TAFA1: variants seen among roughly 807,000 people sequenced by gnomAD.
TAFA1 encodes the protein TAFA chemokine like family member 1.
In TAFA1, 4 loss-of-function variants were observed where a neutral mutation model predicts 18.5. The observed-to-expected ratio is 0.22, with a 90% CI of 0.11 to 0.49. TAFA1 has a LOEUF of 0.49. Among genes scored for constraint, TAFA1 ranks in the 20% least tolerant of loss-of-function variants. The probability of loss-of-function intolerance (pLI) is 0.98; values close to 1 mark genes in which losing one functional copy is unlikely to be tolerated. For synonymous variants in TAFA1, 56 were observed against 55.2 expected, an observed-to-expected ratio of 1.01 and a Z score of -0.06; for missense variants, 147 against 169.0, an observed-to-expected ratio of 0.87 and a Z score of 0.72.
At chr3:68,076,142 G>A (rs1191861370) in intron 2 of TAFA1, among the ~76,000 whole-genome samples, 2 of 152,160 alleles carry the variant, frequency 1.3e-5, no homozygotes, top group East Asian at 3.9e-4. Context: ...AAAGTTGAAT[G>A]GAAAGGCAAA....
intron 3 of TAFA1, among the ~76,000 whole-genome samples, chr3:68,529,871 A>G (rs774480897): frequency 6.6e-6 from 1 of 152,200 alleles, no homozygotes; most frequent in Non-Finnish European, 1.5e-5. Context: ...CTAACATTGG[A>G]GATCAAATTT....
intron 2 of TAFA1, among the ~76,000 whole-genome samples, chr3:68,352,969 A>G (rs2069296821): frequency 6.6e-6 from 1 of 152,122 alleles, no homozygotes; most frequent in South Asian, 2.1e-4. Context: ...AAACAGAATC[A>G]AAAAGCGAAG....
chr3:68,227,578 G>A (rs920991961), intron 2 of TAFA1, among the ~76,000 whole-genome samples: 4 of 151,966 alleles, frequency 2.6e-5, no homozygotes, highest in Admixed American at 2.6e-4. Flanking sequence ...GGCATATTGG[G>A]GAAAAACTGA....
At chr3:68,259,894 T>G (rs2067378555) in intron 2 of TAFA1, among the ~76,000 whole-genome samples, 1 of 152,086 alleles carries the variant, frequency 6.6e-6, no homozygotes, top group Non-Finnish European at 1.5e-5. Flanking sequence ...CAGGGACAAT[T>G]TGACTTCCTC....
At chr3:68,313,875 T>A (rs992093118) in intron 2 of TAFA1, among the ~76,000 whole-genome samples, 2 of 152,210 alleles carry the variant, frequency 1.3e-5, no homozygotes, top group Non-Finnish European at 2.9e-5. Flanking sequence ...TGGAGAAATG[T>A]GTGTTTTAAT....
At chr3:68,243,524 A>C (rs528195935) in intron 2 of TAFA1, among the ~76,000 whole-genome samples, 1 of 152,236 alleles carries the variant, frequency 6.6e-6, no homozygotes, top group East Asian at 1.9e-4. Flanking sequence ...TCTATATCTC[A>C]ACTACTATAT....
intron 2 of TAFA1, among the ~76,000 whole-genome samples, chr3:68,119,885 A>G (rs1311105297): frequency 6.6e-6 from 1 of 152,102 alleles, no homozygotes; most frequent in Non-Finnish European, 1.5e-5. Context: ...GTGTCTTGCA[A>G]CTCTATAAAG....
chr3:68,249,805 C>T (rs1234305282), intron 2 of TAFA1, among the ~76,000 whole-genome samples: 1 of 152,088 alleles, frequency 6.6e-6, no homozygotes, highest in African/African-American at 2.4e-5. Context: ...ACACCATTGA[C>T]CCAATATGAA....
At chr3:68,180,056 C>A (rs2066178030) in intron 2 of TAFA1, among the ~76,000 whole-genome samples, 1 of 88,420 alleles carries the variant, frequency 1.1e-5, no homozygotes, top group African/African-American at 4.7e-5. Flanking sequence ...GAGAGGGAGT[C>A]TTACTCTGTC....
chr3:68,220,804 G>A (rs946654471), intron 2 of TAFA1, among the ~76,000 whole-genome samples: 1 of 152,074 alleles, frequency 6.6e-6, no homozygotes, highest in African/African-American at 2.4e-5. Flanking sequence ...CTGCACTGCT[G>A]TCTCTAAGGG....
intron 2 of TAFA1, among the ~76,000 whole-genome samples, chr3:68,250,167 C>A (rs1185581631): frequency 1.3e-5 from 2 of 152,074 alleles, no homozygotes; most frequent in Admixed American, 1.3e-4. Context: ...TTAATCCAGA[C>A]TTCTCCATGT....
intron 2 of TAFA1, among the ~76,000 whole-genome samples, chr3:68,111,386 T>C (rs1017656599): frequency 2.0e-5 from 3 of 151,898 alleles, no homozygotes; most frequent in African/African-American, 7.3e-5. Flanking sequence ...TATATATAGA[T>C]GAAGAGTGAG....
At chr3:68,083,087 T>C (rs2064924916) in intron 2 of TAFA1, among the ~76,000 whole-genome samples, 1 of 152,218 alleles carries the variant, frequency 6.6e-6, no homozygotes, top group South Asian at 2.1e-4. Context: ...TTCTTTGTAG[T>C]TGCAGAGTAC....
intron 4 of TAFA1, among the ~76,000 whole-genome samples, chr3:68,539,324 A>G (rs2073329213): frequency 6.6e-6 from 1 of 152,120 alleles, no homozygotes; most frequent in African/African-American, 2.4e-5. Flanking sequence ...GAGAACTGAA[A>G]AGGGTTTTGG....
At chr3:68,181,396 C>T (rs1391555556) in intron 2 of TAFA1, among the ~76,000 whole-genome samples, 1 of 141,710 alleles carries the variant, frequency 7.1e-6, no homozygotes, top group Non-Finnish European at 1.5e-5. Context: ...AAAAAAAAAA[C>T]TTCCTTAGAA....
chr3:68,302,299 A>G (rs984190721), intron 2 of TAFA1, among the ~76,000 whole-genome samples: 1 of 152,204 alleles, frequency 6.6e-6, no homozygotes, highest in Non-Finnish European at 1.5e-5. Context: ...AGGCAGTTAA[A>G]TTCAGTGACT....
chr3:68,354,486 C>T (rs772540178), intron 2 of TAFA1, among the ~76,000 whole-genome samples: 58 of 151,992 alleles, frequency 3.8e-4, no homozygotes, highest in South Asian at 1.5e-3. Context: ...AACTGACAAC[C>T]GCCATTACCA....
chr3:68,120,251 TTCTTTC>T lies in TAFA1; in HGVS notation c.118+113509_118+113514del, dbSNP rs1420745576. On this transcript the variant is annotated intron_variant, in intron 2 of 4. Coordinates refer to ENST00000478136, the MANE Select transcript of TAFA1 (RefSeq NM_213609.4). ...TTTCTTTCTTTCTTTCTTTCTTTCT[TTCTTTC>T]TTTCTTTTTTGAGACAGAGTCTCAT... Among the ~76,000 whole-genome samples the T allele has an allele frequency of 1.9e-3, 228 of 119,790 alleles. 3 individuals carry two copies. The highest frequency in any genetic ancestry group is 6.4e-3 in the African/African-American group (205 of 32,148). The allele number at this position is 119,790 out of a possible 152,430, so 78.6% of individuals were successfully genotyped here.
chr3:68,505,125 C>T (rs1170813101), intron 3 of TAFA1, among the ~76,000 whole-genome samples: 1 of 152,134 alleles, frequency 6.6e-6, no homozygotes. Flanking sequence ...AATTGTTCTA[C>T]TCAAACAGGG....
Sources: gnomAD v4.1 joint callset for allele counts (sites outside exome capture counted in the v4.1 genomes callset) on GRCh38, gnomAD v4.1.1 for gene constraint, MANE v1.5 for transcripts, NCBI Gene and HGNC (gene_info 2026-07-23, HGNC 2026-07-21) for gene names.